Variants in FRMD4A observed in about 807,000 individuals in gnomAD.
The protein encoded by FRMD4A is FERM domain containing 4A, also known as FERM domain-containing protein 4A.
Under a neutral mutation model 129.1 loss-of-function variants are expected in FRMD4A, and 29 were observed. That is an observed-to-expected ratio of 0.22 (90% CI 0.17 to 0.31). FRMD4A has a LOEUF of 0.31. Among genes scored for constraint, FRMD4A ranks in the 10% least tolerant of loss-of-function variants. The pLI is 1.00. For missense variants in FRMD4A, 1,272 were observed against 1,375.8 expected, an observed-to-expected ratio of 0.92 and a Z score of 1.19; for synonymous variants, 634 against 571.6, an observed-to-expected ratio of 1.11 and a Z score of -1.56.
intron 2 of FRMD4A, among the ~76,000 whole-genome samples, chr10:14,052,225 C>G (rs4748083): frequency 0.48 from 72,400 of 151,842 alleles, 17,892 homozygotes; most frequent in Middle Eastern, 0.58. Context: ...CCTTGACTTT[C>G]GACTTTCAGC....
intron 9 of FRMD4A, among the ~76,000 whole-genome samples, chr10:13,742,863 T>C (rs1223058127): frequency 2.0e-5 from 3 of 152,186 alleles, no homozygotes; most frequent in Admixed American, 2.0e-4. Context: ...AAGCCTTCTT[T>C]TACCCACCTT....
At chr10:14,148,065 C>T (rs1840163868) in intron 2 of FRMD4A, among the ~76,000 whole-genome samples, 1 of 152,164 alleles carries the variant, frequency 6.6e-6, no homozygotes, top group African/African-American at 2.4e-5. Flanking sequence ...TGGCCGTTCT[C>T]ATTCCCTTAA....
chr10:13,782,648 T>G (rs1163787403), intron 6 of FRMD4A, among the ~76,000 whole-genome samples: 2 of 152,096 alleles, frequency 1.3e-5, no homozygotes, highest in Non-Finnish European at 2.9e-5. Context: ...TTCACCACGT[T>G]GGCCAGGATA....
In FRMD4A at chr10:14,163,021, A is replaced by C. The variant is rs569631194; in HGVS notation, c.45+167037T>G. On this transcript the variant is annotated intron_variant, in intron 2 of 24. Transcript: ENST00000357447. The stretch of plus-strand genomic sequence containing the variant: ...CAGCTGCACACACAGGCTAAATAGG[A>C]ATCTCCAGCCAAAAATCTAGAGAGA... 7.2e-5 allele frequency among the ~76,000 whole-genome samples: 11 copies of C among 152,354 alleles called. No individual in the cohort carries two copies. In the East Asian group the frequency reaches 2.1e-3, roughly 29 times the overall value.
intron 14 of FRMD4A, among the ~76,000 whole-genome samples, chr10:13,695,887 C>T (rs1407315005): frequency 6.6e-6 from 1 of 152,246 alleles, no homozygotes; most frequent in Non-Finnish European, 1.5e-5. Context: ...GCCTGCAGCT[C>T]TGCCCTTCCT....
intron 2 of FRMD4A, among the ~76,000 whole-genome samples, chr10:14,271,652 G>A (rs1845167689): frequency 6.6e-6 from 1 of 152,176 alleles, no homozygotes; most frequent in Admixed American, 6.5e-5. Context: ...TTCTATTATT[G>A]CCTTCTTCTT....
At chr10:14,009,127 T>C (rs1034297331) in intron 2 of FRMD4A, among the ~76,000 whole-genome samples, 1 of 152,266 alleles carries the variant, frequency 6.6e-6, no homozygotes, top group African/African-American at 2.4e-5. Flanking sequence ...TCATATTGTG[T>C]AATTTCAGAT....
rs11410689 is a variant in FRMD4A, at chr10:14,191,794, G to GTT, written c.45+138262_45+138263dup. ...ATAGGAGTTTTCAGCTCAACTGGCT[G>GTT]TTTTTTTTTTTTCTCTCTCTCTCTC... On this transcript the variant is annotated intron_variant, in intron 2 of 24. Coordinates refer to ENST00000357447, the MANE Select transcript of FRMD4A (RefSeq NM_018027.5). Among the ~76,000 whole-genome samples, 162 of 133,116 alleles carry GTT rather than the reference G, an allele frequency of 1.2e-3. 1 individual carries two copies. The highest frequency in any genetic ancestry group is 8.4e-3 in the Middle Eastern group (2 of 238). The allele number at this position is 133,116 out of a possible 152,430, so 87.3% of individuals were successfully genotyped here.
chr10:14,326,860 G>A (rs935114031), intron 2 of FRMD4A: 13 of 398,424 alleles, frequency 3.3e-5, no homozygotes, highest in South Asian at 2.5e-4. Context: ...ATCTTCTTTC[G>A]CTGCCTGAGA....
rs1589167766 is a variant in FRMD4A at position 14,208,064 on chromosome 10, G to A, written c.45+121994C>T. Among the ~76,000 whole-genome samples, 4 of 152,134 alleles carry A rather than the reference G, an allele frequency of 2.6e-5. No homozygotes were observed. The South Asian group carries it at 8.3e-4, about 32-fold the overall frequency. Reference sequence around the variant, plus strand: ...ATGCAAAACTTAGTCAGGCATGGTGGTGTGCGCCTGTTCTCCCGGCTACTT... The same window carrying A: ...ATGCAAAACTTAGTCAGGCATGGTGATGTGCGCCTGTTCTCCCGGCTACTT... On this transcript the variant is annotated intron_variant, in intron 2 of 24. Transcript: ENST00000357447.
intron 15 of FRMD4A, among the ~76,000 whole-genome samples, chr10:13,677,742 C>G (rs981748269): frequency 2.6e-5 from 4 of 152,216 alleles, no homozygotes; most frequent in Admixed American, 2.6e-4. Context: ...ATCTGGTTCT[C>G]TTAGTAACAG....
At chr10:14,199,546 C>T (rs569041021) in intron 2 of FRMD4A, among the ~76,000 whole-genome samples, 16 of 152,106 alleles carry the variant, frequency 1.1e-4, no homozygotes, top group South Asian at 2.1e-4. Context: ...CCCACCACCA[C>T]GTCTGGCTAA....
At chr10:13,694,099 A>G in intron 14 of FRMD4A, 60 bp from the exon 15 acceptor site, 6 of 1,412,840 alleles carry the variant, frequency 4.2e-6, no homozygotes, top group Non-Finnish European at 5.7e-6. Context: ...AAGGACAGTC[A>G]TCCCTCGCCC....
intron 2 of FRMD4A, among the ~76,000 whole-genome samples, chr10:13,905,469 A>C (rs2094872047): frequency 6.6e-6 from 1 of 152,228 alleles, no homozygotes; most frequent in South Asian, 2.1e-4. Context: ...AGTGAAGAGA[A>C]AGGAAAGTAC....
intron 2 of FRMD4A, among the ~76,000 whole-genome samples, chr10:13,859,378 C>G (rs1253574124): frequency 6.6e-6 from 1 of 152,092 alleles, no homozygotes; most frequent in Non-Finnish European, 1.5e-5. Flanking sequence ...GAGCAAAACT[C>G]CCTTTCAAAA....
At chr10:14,024,199 C>T (rs1832887113) in intron 2 of FRMD4A, among the ~76,000 whole-genome samples, 1 of 152,216 alleles carries the variant, frequency 6.6e-6, no homozygotes, top group South Asian at 2.1e-4. Context: ...GGTTTTCTCC[C>T]CTGACCGCAC....
intron 2 of FRMD4A, among the ~76,000 whole-genome samples, chr10:14,016,959 A>C (rs930730542): frequency 6.6e-6 from 1 of 152,254 alleles, no homozygotes; most frequent in Non-Finnish European, 1.5e-5. Context: ...ATCCACAGAC[A>C]GAGATCTTGC....
chr10:13,770,802 T>G (rs2092434706), intron 6 of FRMD4A, among the ~76,000 whole-genome samples: 1 of 152,126 alleles, frequency 6.6e-6, no homozygotes, highest in Non-Finnish European at 1.5e-5. Flanking sequence ...CATGTAAGCT[T>G]GTTTCTTGAA....
At chr10:13,963,522 T>A (rs1281645109) in intron 2 of FRMD4A, among the ~76,000 whole-genome samples, 2 of 152,128 alleles carry the variant, frequency 1.3e-5, no homozygotes, top group African/African-American at 4.8e-5. Flanking sequence ...ATGAGCTGTT[T>A]GTGAAGATAA....
Sources: gnomAD v4.1 joint callset for allele counts (sites outside exome capture counted in the v4.1 genomes callset) on GRCh38, gnomAD v4.1.1 for gene constraint, MANE v1.5 for transcripts, NCBI Gene and HGNC (gene_info 2026-07-23, HGNC 2026-07-21) for gene names.